NFIB: variants seen among roughly 807,000 people sequenced by gnomAD.
NFIB encodes the protein nuclear factor I B, also known as nuclear factor 1 B-type.
Under a neutral mutation model 61.5 loss-of-function variants are expected in NFIB, and 11 were observed. The ratio of observed to expected loss-of-function variants is 0.18; its 90% CI spans 0.11 to 0.30. The LOEUF (loss-of-function observed/expected upper bound fraction) is 0.30. Among genes scored for constraint, NFIB ranks in the 10% least tolerant of loss-of-function variants. The probability of loss-of-function intolerance (pLI) is 1.00; values close to 1 mark genes in which losing one functional copy is unlikely to be tolerated. For missense variants in NFIB, 471 were observed against 608.9 expected, an observed-to-expected ratio of 0.77 and a Z score of 2.38; for synonymous variants, 260 against 216.5, an observed-to-expected ratio of 1.20 and a Z score of -1.76.
chr9:14,199,598 G>A (rs1011273002), intron 2 of NFIB, among the ~76,000 whole-genome samples: 3 of 152,242 alleles, frequency 2.0e-5, no homozygotes, highest in Non-Finnish European at 4.4e-5. Flanking sequence ...AAGTAAAGAT[G>A]TGTTGGAGTC....
the NFIB span, among the ~76,000 whole-genome samples, chr9:14,455,818 A>T: frequency 7.9e-3 from 1,201 of 152,334 alleles, 5 homozygotes; most frequent in Middle Eastern, 0.014. Context: ...AAAATTTTTT[A>T]AAAAGAGGAA....
chr9:14,347,737 G>A, intron 1 of NFIB, among the ~76,000 whole-genome samples: 1 of 152,138 alleles, frequency 6.6e-6, no homozygotes, highest in East Asian at 1.9e-4. Context: ...AAACAGACAA[G>A]GCAGGGCCAG....
At chr9:14,314,885 A>AT (rs1167428689), upstream of NFIB, among the ~76,000 whole-genome samples, 1 of 151,364 alleles carries the variant, frequency 6.6e-6, no homozygotes, top group East Asian at 2.0e-4. Flanking sequence ...TGGAAGAGGT[A>AT]TTTCGGTGCT....
chr9:14,139,545 T>A (rs1224008994), intron 6 of NFIB, among the ~76,000 whole-genome samples: 1 of 152,214 alleles, frequency 6.6e-6, no homozygotes, highest in Non-Finnish European at 1.5e-5. Context: ...TAGAAAGTTG[T>A]TATTTTTTCA....
At chr9:14,249,172 T>C (rs943923830) in intron 2 of NFIB, among the ~76,000 whole-genome samples, 1 of 152,216 alleles carries the variant, frequency 6.6e-6, no homozygotes, top group Non-Finnish European at 1.5e-5. Flanking sequence ...TCACTGTACG[T>C]CAACTAAATA....
At chr9:14,134,335 T>G (rs2040751445) in intron 6 of NFIB, among the ~76,000 whole-genome samples, 1 of 152,176 alleles carries the variant, frequency 6.6e-6, no homozygotes, top group South Asian at 2.1e-4. Context: ...AATTCTACAG[T>G]AGGAATGTAT....
the NFIB span, among the ~76,000 whole-genome samples, chr9:14,449,859 A>C: frequency 2.6e-5 from 4 of 152,212 alleles, no homozygotes; most frequent in East Asian, 7.7e-4. Context: ...GTTTCAACCC[A>C]GGAGGTGGAG....
chr9:14,138,957 T>G (rs558600196), intron 6 of NFIB, among the ~76,000 whole-genome samples: 1 of 152,258 alleles, frequency 6.6e-6, no homozygotes, highest in African/African-American at 2.4e-5. Flanking sequence ...TTTTGAGAAT[T>G]CTTTCAGAAC....
chr9:14,255,330 G>T (rs2056115522), intron 2 of NFIB, among the ~76,000 whole-genome samples: 1 of 152,166 alleles, frequency 6.6e-6, no homozygotes, highest in Non-Finnish European at 1.5e-5. Flanking sequence ...TGAATTTGTT[G>T]AACTTGTGTC....
At chr9:14,110,280 C>A (rs1172719126) in intron 10 of NFIB, among the ~76,000 whole-genome samples, 1 of 151,998 alleles carries the variant, frequency 6.6e-6, no homozygotes, top group African/African-American at 2.4e-5. Context: ...AGAAAAACAA[C>A]ACTCAAAACT....
chr9:14,254,644 T>C (rs1203900698), intron 2 of NFIB, among the ~76,000 whole-genome samples: 1 of 152,216 alleles, frequency 6.6e-6, no homozygotes, highest in Non-Finnish European at 1.5e-5. Flanking sequence ...CAAAAGCCCA[T>C]CTGCTATAAT....
At chr9:14,203,807 T>C (rs966903526) in intron 2 of NFIB, among the ~76,000 whole-genome samples, 10 of 152,192 alleles carry the variant, frequency 6.6e-5, no homozygotes, top group African/African-American at 2.4e-4. Flanking sequence ...AATATTGGAA[T>C]ACTACCAGAT....
intron 3 of NFIB, among the ~76,000 whole-genome samples, chr9:14,159,500 G>T (rs1407273917): frequency 6.6e-6 from 1 of 152,180 alleles, no homozygotes; most frequent in Non-Finnish European, 1.5e-5. Flanking sequence ...TATGGGAACA[G>T]GGACAGGTGA....
chr9:14,122,710 G>GAT, intron 7 of NFIB, among the ~76,000 whole-genome samples: 1 of 152,288 alleles, frequency 6.6e-6, no homozygotes, highest in East Asian at 1.9e-4. Flanking sequence ...ACCCTGGAAA[G>GAT]ATATATACAT....
At chr9:14,476,355 A>C in the NFIB span, among the ~76,000 whole-genome samples, 3 of 151,992 alleles carry the variant, frequency 2.0e-5, no homozygotes, top group Non-Finnish European at 4.4e-5. Context: ...TGCCTGTCAG[A>C]TAATGGGGAG....
At chr9:14,468,637 C>T in the NFIB span, among the ~76,000 whole-genome samples, 1 of 152,186 alleles carries the variant, frequency 6.6e-6, no homozygotes, top group Admixed American at 6.5e-5. Flanking sequence ...AGATGATATT[C>T]TCCACTCGAA....
At chr9:14,217,044 G>A (rs2051006218) in intron 2 of NFIB, among the ~76,000 whole-genome samples, 1 of 152,212 alleles carries the variant, frequency 6.6e-6, no homozygotes, top group Non-Finnish European at 1.5e-5. Context: ...TAAAGTGGAA[G>A]ATATGTGAAA....
At chr9:14,290,456 TTTA>T (rs1219389743) in intron 2 of NFIB, among the ~76,000 whole-genome samples, 1 of 151,974 alleles carries the variant, frequency 6.6e-6, no homozygotes, top group African/African-American at 2.4e-5. Flanking sequence ...ATTTTCTCAG[TTTA>T]CCCTCACAAT....
chr9:14,350,506 G>A (rs954111241), intron 1 of NFIB, among the ~76,000 whole-genome samples: 2 of 144,816 alleles, frequency 1.4e-5, no homozygotes, highest in African/African-American at 5.0e-5. Context: ...CGAAAGACCT[G>A]GGTGGGGTGG....
Sources: gnomAD v4.1 joint callset for allele counts (sites outside exome capture counted in the v4.1 genomes callset) on GRCh38, gnomAD v4.1.1 for gene constraint, MANE v1.5 for transcripts, NCBI Gene and HGNC (gene_info 2026-07-23, HGNC 2026-07-21) for gene names.